Variants in ELF2 observed in about 807,000 individuals in gnomAD.
The protein encoded by ELF2 is ETS-related transcription factor Elf-2.
Under a neutral mutation model 54.8 loss-of-function variants are expected in ELF2, and 11 were observed. The ratio of observed to expected loss-of-function variants is 0.20; its 90% CI spans 0.13 to 0.33. The LOEUF (loss-of-function observed/expected upper bound fraction) is 0.33, where lower values mean the gene tolerates loss of function less well. Among genes scored for constraint, ELF2 ranks in the 10% least tolerant of loss-of-function variants. The probability of loss-of-function intolerance (pLI) is 1.00; values close to 1 mark genes in which losing one functional copy is unlikely to be tolerated. For missense variants in ELF2, 513 were observed against 703.0 expected (o/e 0.73, Z 3.06); for synonymous variants, 203 against 245.1 (o/e 0.83, Z 1.61).
chr4:139,164,153 A>G (rs986777516), intron 1 of ELF2, among the ~76,000 whole-genome samples: 4 of 148,668 alleles, frequency 2.7e-5, no homozygotes, highest in Admixed American at 2.7e-4. Flanking sequence ...GAGAGAAAGA[A>G]AGAAAGAAGG....
At chr4:139,120,291 G>A (rs989795985) in intron 4 of ELF2, among the ~76,000 whole-genome samples, 1 of 152,046 alleles carries the variant, frequency 6.6e-6, no homozygotes, top group African/African-American at 2.4e-5. Flanking sequence ...TAGTAATATG[G>A]TTTATACAAG....
chr4:139,067,622 C>CA lies in ELF2; in HGVS notation c.613+61dup, dbSNP rs758778846. The CA allele has an allele frequency of 6.9e-5, 106 of 1,544,570 alleles. 4 individuals are homozygous for CA. The South Asian group carries it at 1.1e-3, about 16-fold the overall frequency. On this transcript the variant is annotated intron_variant, in intron 7 of 9. Transcript: ENST00000686138. ...ACTAGAAATAGTTTTCTTACAAATA[C>CA]AAAAATGTCACCTAACTGAAAAAAA...
chr4:139,112,541 G>T (rs1044913161), intron 4 of ELF2, among the ~76,000 whole-genome samples: 1 of 152,134 alleles, frequency 6.6e-6, no homozygotes. Flanking sequence ...TAAAGCATTC[G>T]TATTTGTACA....
At chr4:139,173,163 G>C (rs1314727083) in intron 1 of ELF2, among the ~76,000 whole-genome samples, 2 of 152,060 alleles carry the variant, frequency 1.3e-5, no homozygotes, top group Non-Finnish European at 2.9e-5. Flanking sequence ...GGGAATTTTG[G>C]AGGCAATGGA....
intron 6 of ELF2, among the ~76,000 whole-genome samples, chr4:139,068,687 A>G (rs923937077): frequency 1.3e-5 from 2 of 152,312 alleles, no homozygotes; most frequent in East Asian, 3.9e-4. Context: ...TAGCATCCAC[A>G]ATGAATAGAA....
Position 139,059,279 on chromosome 4 carries a change from G to A in ELF2, c.1486C>T (p.Leu496Phe), listed in dbSNP as rs1277887970. 1.9e-6 allele frequency: 3 copies of A among 1,613,948 alleles called. No individual in the cohort carries two copies. Among genetic ancestry groups the A allele is most frequent in the Non-Finnish European group, 2.5e-6 (3 of 1,179,870 alleles). ...IVGTPLAVRALTPVSIAHGTP... is the reference protein window; with the variant it reads ...IVGTPLAVRAFTPVSIAHGTP... ...CCATGGGCTATTGAAACAGGGGTAAGTGCTCTCACAGCCAATGGGGTTCCA... is the reference window on the plus strand; with the variant it reads ...CCATGGGCTATTGAAACAGGGGTAAATGCTCTCACAGCCAATGGGGTTCCA... The change falls in exon 10 of 10, where the codon CTT becomes TTT. Residue 496 changes from leucine to phenylalanine, a missense_variant. Around this residue, in one of 3 missense-constraint regions of ELF2, gnomAD observed 291 missense variants for 366.1 expected, o/e 0.79. Transcript: ENST00000686138.
At chr4:139,158,970 A>G (rs1328900583) in intron 1 of ELF2, among the ~76,000 whole-genome samples, 1 of 152,186 alleles carries the variant, frequency 6.6e-6, no homozygotes, top group Non-Finnish European at 1.5e-5. Context: ...CAAGAGCCTG[A>G]GAAACTGCTT....
chr4:139,085,847 T>G (rs534763425), intron 4 of ELF2, among the ~76,000 whole-genome samples: 140 of 152,294 alleles, frequency 9.2e-4, no homozygotes, highest in Non-Finnish European at 1.6e-3. Flanking sequence ...CAGGCCATTT[T>G]CTTGAGCCCA....
At chr4:139,162,065 GC>G (rs1741229873) in intron 1 of ELF2, among the ~76,000 whole-genome samples, 2 of 152,204 alleles carry the variant, frequency 1.3e-5, no homozygotes, top group African/African-American at 4.8e-5. Flanking sequence ...CTGCACTCTA[GC>G]TGGGGCGACA....
At chr4:139,159,367 A>G (rs1740870615) in intron 1 of ELF2, among the ~76,000 whole-genome samples, 2 of 152,252 alleles carry the variant, frequency 1.3e-5, no homozygotes, top group Non-Finnish European at 2.9e-5. Flanking sequence ...GGAAGAGGTT[A>G]TGAAATGATG....
At position 139,137,882 on chromosome 4, in the gene ELF2, A is replaced by G; in HGVS notation, c.-166-15T>C. On this transcript the variant is annotated splice_polypyrimidine_tract_variant and intron_variant, in intron 2 of 9. Transcript: ENST00000686138. ...AACCAGAAAGCCTAAAAAGAGGAAG[A>G]ATTTGAAAAGTTATTTTAAAAATTA... The G allele has an allele frequency of 1.5e-6, 2 of 1,295,138 alleles. No homozygotes were observed. The highest frequency in any genetic ancestry group is 2.0e-6 in the Non-Finnish European group (2 of 1,020,628). 80.2% of individuals were successfully genotyped at this position (1,295,138 alleles called of 1,614,324 possible).
At chr4:139,078,380 G>A (rs888453303) in intron 4 of ELF2, among the ~76,000 whole-genome samples, 8 of 152,062 alleles carry the variant, frequency 5.3e-5, no homozygotes, top group Non-Finnish European at 2.9e-5. Context: ...TGCAGCACCC[G>A]ATTTACCACT....
intron 4 of ELF2, among the ~76,000 whole-genome samples, chr4:139,110,501 T>C (rs114429203): frequency 0.013 from 1,933 of 152,322 alleles, 43 homozygotes; most frequent in African/African-American, 0.043. Flanking sequence ...TAGACAATCA[T>C]ATTTTTTCAT....
chr4:139,162,050 C>T (rs977061959), intron 1 of ELF2, among the ~76,000 whole-genome samples: 4 of 151,464 alleles, frequency 2.6e-5, no homozygotes, highest in East Asian at 2.0e-4. Context: ...GCTGAGATTG[C>T]GCCACTGCAC....
At chr4:139,076,370 A>C (rs1730316195) in intron 4 of ELF2, among the ~76,000 whole-genome samples, 1 of 152,212 alleles carries the variant, frequency 6.6e-6, no homozygotes, top group Non-Finnish European at 1.5e-5. Flanking sequence ...AGCATTATTA[A>C]GTATAAGACA....
intron 1 of ELF2, among the ~76,000 whole-genome samples, chr4:139,166,776 G>A (rs1260270134): frequency 6.6e-6 from 1 of 152,018 alleles, no homozygotes; most frequent in Non-Finnish European, 1.5e-5. Context: ...GCTGAGGCAG[G>A]AGAATGGCGT....
At chr4:139,131,492 T>C (rs1223118130) in intron 3 of ELF2, among the ~76,000 whole-genome samples, 2 of 152,260 alleles carry the variant, frequency 1.3e-5, no homozygotes, top group Non-Finnish European at 2.9e-5. Flanking sequence ...AGCAGTGGTA[T>C]TGTAATCCTT....
intron 9 of ELF2, among the ~76,000 whole-genome samples, chr4:139,060,039 G>A (rs1232781387): frequency 6.6e-6 from 1 of 151,936 alleles, no homozygotes; most frequent in Non-Finnish European, 1.5e-5. Context: ...TTATAGAGAG[G>A]AGGTCTCACT....
intron 1 of ELF2, among the ~76,000 whole-genome samples, chr4:139,160,265 A>G (rs1740994146): frequency 6.6e-6 from 1 of 152,138 alleles, no homozygotes. Context: ...ATGCCAGCCA[A>G]TGGCCAATCT....
Sources: gnomAD v4.1 joint callset for allele counts (sites outside exome capture counted in the v4.1 genomes callset) on GRCh38, gnomAD v4.1.1 for gene constraint, gnomAD v4.1.1 regional missense constraint, MANE v1.5 for transcripts, NCBI Gene and HGNC (gene_info 2026-07-23, HGNC 2026-07-21) for gene names.